Variants in EP300 observed in about 807,000 individuals in gnomAD.
EP300 encodes EP300 lysine acetyltransferase.
In EP300, 31 loss-of-function variants were observed where a neutral mutation model predicts 264.0. The observed-to-expected ratio is 0.12, with a 90% CI of 0.09 to 0.16. The LOEUF is 0.16. EP300 is among the 10% of genes least tolerant of loss of function. The pLI is 1.00. For missense variants in EP300, 2,766 were observed against 3,052.9 expected, an observed-to-expected ratio of 0.91 and a Z score of 2.21; for synonymous variants, 1,340 against 1,045.4, an observed-to-expected ratio of 1.28 and a Z score of -5.44.
chr22:41,161,480 G>A (rs2059108099), intron 20 of EP300, among the ~76,000 whole-genome samples: 3 of 152,136 alleles, frequency 2.0e-5, no homozygotes. Flanking sequence ...AGCCGGGCAT[G>A]GTGGTGGGCG....
At chr22:41,162,360 G>C (rs1008671724) in intron 20 of EP300, among the ~76,000 whole-genome samples, 7 of 152,122 alleles carry the variant, frequency 4.6e-5, no homozygotes, top group African/African-American at 1.7e-4. Flanking sequence ...AAGACTGTTA[G>C]CTTTTGTATG....
intron 8 of EP300, among the ~76,000 whole-genome samples, chr22:41,139,852 T>C (rs1271734730): frequency 6.6e-6 from 1 of 152,248 alleles, no homozygotes; most frequent in African/African-American, 2.4e-5. Context: ...TGACAAGGCC[T>C]GTTTTCCTCA....
intron 23 of EP300, among the ~76,000 whole-genome samples, chr22:41,167,029 T>G: frequency 6.6e-6 from 1 of 152,238 alleles, no homozygotes; most frequent in East Asian, 1.9e-4. Flanking sequence ...AGAGTCTCAC[T>G]CTGTCCCCCA....
intron 1 of EP300, among the ~76,000 whole-genome samples, chr22:41,112,609 T>C (rs115369236): frequency 0.018 from 2,805 of 152,318 alleles, 73 homozygotes; most frequent in African/African-American, 0.063. Flanking sequence ...TGATGATTTT[T>C]GAGCCTTTGG....
intron 4 of EP300, among the ~76,000 whole-genome samples, chr22:41,128,689 T>A (rs1196143821): frequency 3.3e-5 from 5 of 151,834 alleles, no homozygotes; most frequent in Non-Finnish European, 7.4e-5. Context: ...TTTTTTGTAT[T>A]TTTAGTGGAG....
intron 1 of EP300, among the ~76,000 whole-genome samples, chr22:41,095,918 C>T (rs955451832): frequency 1.3e-5 from 2 of 152,116 alleles, no homozygotes; most frequent in African/African-American, 2.4e-5. Flanking sequence ...TAAATCTCAA[C>T]CTCTGAATTG....
intron 1 of EP300, among the ~76,000 whole-genome samples, chr22:41,103,661 C>CTG (rs2058743449): frequency 6.6e-6 from 1 of 152,068 alleles, no homozygotes; most frequent in African/African-American, 2.4e-5. Context: ...AGAATATACG[C>CTG]TGTGTGATAG....
At position 41,153,504 on chromosome 22, in the gene EP300, G is replaced by A. The variant is rs192531307; in HGVS notation, c.3142+1154G>A. Among the ~76,000 whole-genome samples the A allele has an allele frequency of 3.8e-3, 574 of 152,062 alleles. 5 individuals are homozygous for A. Among genetic ancestry groups the A allele is most frequent in the African/African-American group, 0.013 (540 of 41,466 alleles). The stretch of plus-strand genomic sequence containing the variant: ...GTTCCCTCATGCCTGTAATCCCACC[G>A]CTTTGGGAGGCCGAGCGGGCAGATC... On this transcript the variant is annotated intron_variant, in intron 16 of 30. Transcript: ENST00000263253.
At chr22:41,097,555 A>G (rs1032682641) in intron 1 of EP300, among the ~76,000 whole-genome samples, 17 of 152,232 alleles carry the variant, frequency 1.1e-4, no homozygotes, top group African/African-American at 3.9e-4. Flanking sequence ...AGTGTTGCAG[A>G]TACAAGTGGG....
At chr22:41,115,981 A>G (rs1303058268) in intron 1 of EP300, among the ~76,000 whole-genome samples, 3 of 152,188 alleles carry the variant, frequency 2.0e-5, no homozygotes, top group Non-Finnish European at 2.9e-5. Flanking sequence ...ATGTATTACA[A>G]TATTTAAAAT....
intron 23 of EP300, 27 bp downstream of exon 23, chr22:41,166,693 T>G (rs2059136369): frequency 6.4e-7 from 1 of 1,554,096 alleles, no homozygotes. Context: ...AAGGTAAATT[T>G]TGGCAAAACT....
In EP300 at chr22:41,150,025, C is replaced by A; in HGVS notation, c.2644C>A (p.Pro882Thr). 6.2e-7 allele frequency: 1 copy of A among 1,614,024 alleles called. No homozygotes were observed. The highest frequency in any genetic ancestry group is 8.5e-7 in the Non-Finnish European group (1 of 1,180,040). Residue 882 changes from proline to threonine, a missense_variant, in exon 14 of 31, where the codon CCA (proline) becomes ACA (threonine). Transcript: ENST00000263253. ...GPQSQALHPP[P>T]RQTPTPPTTQ... Reference sequence around the variant, plus strand: ...ACAGTCCCAGGCTCTACATCCCCCTCCAAGGCAGACACCTACACCACCAAC... The same window carrying A: ...ACAGTCCCAGGCTCTACATCCCCCTACAAGGCAGACACCTACACCACCAAC...
chr22:41,178,931 C>G lies in EP300; in HGVS notation c.7220C>G (p.Ser2407Ter), dbSNP rs1424813619. The change falls in exon 31 of 31, where the codon TCA becomes TGA. Residue 2407 changes from serine (S) to a stop codon, truncating the protein, a stop_gained. Coordinates refer to ENST00000263253, the MANE Select transcript of EP300 (RefSeq NM_001429.4). LOFTEE classifies it high-confidence loss of function. ...AACTCAGACTTGAATTCAAACCTCT[C>G]ACAGAGTACACTAGACATACACTAG... Reference protein sequence around the residue: ...TDNSDLNSNLSQSTLDIH With the variant: ...TDNSDLNSNL 3.1e-6 allele frequency: 5 copies of G among 1,614,012 alleles called. No homozygotes were observed. The highest frequency in any genetic ancestry group is 1.7e-5 in the Admixed American group (1 of 59,972).
At chr22:41,129,470 G>A (rs1240426309) in intron 4 of EP300, among the ~76,000 whole-genome samples, 1 of 152,162 alleles carries the variant, frequency 6.6e-6, no homozygotes, top group Non-Finnish European at 1.5e-5. Context: ...TGTCATGTAG[G>A]CAAGTGTTCA....
chr22:41,167,578 GTGTGTGTATATATATATATATATATA>G lies in EP300; in HGVS notation c.3875-869_3875-844del, dbSNP rs1333261325. Reference sequence around the variant, plus strand: ...TATATATTTGTGTGTGTGTGTGTGTGTGTGTGTATATATATATATATATATATATATATATATATATATATATATAT... The same window carrying G: ...TATATATTTGTGTGTGTGTGTGTGTGTATATATATATATATATATATATAT... On this transcript the variant is annotated intron_variant, in intron 23 of 30. Transcript: ENST00000263253. Among the ~76,000 whole-genome samples, 65 of 27,686 alleles carry G rather than the reference GTGTGTGTATATATATATATATATATA, an allele frequency of 2.3e-3. 1 individual carries two copies. The highest frequency in any genetic ancestry group is 0.029 in the Middle Eastern group (2 of 68). The allele number at this position is 27,686 out of a possible 152,430, so 18.2% of individuals were successfully genotyped here.
chr22:41,101,453 C>G (rs1291013648), intron 1 of EP300, among the ~76,000 whole-genome samples: 1 of 150,996 alleles, frequency 6.6e-6, no homozygotes, highest in East Asian at 1.9e-4. Flanking sequence ...GCTCTGTCAC[C>G]CAGGCTAGAG....
chr22:41,123,522 A>G (rs1003475306), intron 2 of EP300, among the ~76,000 whole-genome samples: 3 of 152,234 alleles, frequency 2.0e-5, no homozygotes, highest in Admixed American at 2.0e-4. Flanking sequence ...AGACAGTCAC[A>G]GTAGGTAGGA....
chr22:41,141,676 T>C (rs2058983336), intron 10 of EP300, among the ~76,000 whole-genome samples: 1 of 151,572 alleles, frequency 6.6e-6, no homozygotes, highest in African/African-American at 2.4e-5. Flanking sequence ...TTTTTTTTTT[T>C]TTCTTTTTCT....
At chr22:41,167,139 A>C (rs1345950655) in intron 23 of EP300, among the ~76,000 whole-genome samples, 1 of 152,242 alleles carries the variant, frequency 6.6e-6, no homozygotes, top group Non-Finnish European at 1.5e-5. Context: ...CTGGGACTAC[A>C]GGCATGTGCC....
Sources: allele counts gnomAD v4.1 joint callset (sites outside exome capture counted in the v4.1 genomes callset), GRCh38; gene constraint gnomAD v4.1.1; transcripts MANE v1.5; gene names NCBI Gene and HGNC (gene_info 2026-07-23, HGNC 2026-07-21).